Variants in ZIM2 observed in about 807,000 individuals in gnomAD.
ZIM2 encodes zinc finger protein 656.
A neutral mutation model predicts 38.6 loss-of-function variants in ZIM2; 14 were observed. That is an observed-to-expected ratio of 0.36 (90% CI 0.24 to 0.57). The LOEUF is 0.57. Among genes scored for constraint, ZIM2 ranks in the 20% least tolerant of loss-of-function variants. ZIM2 has a pLI of 0.81. For synonymous variants in ZIM2, 247 were observed against 245.8 expected (o/e 1.00, Z -0.04); for missense variants, 680 against 695.1 (o/e 0.98, Z 0.24).
chr19:56,817,178 T>C lies in ZIM2; in HGVS notation c.490+568A>G. 1.9e-6 allele frequency: 3 copies of C among 1,614,214 alleles called. No homozygotes were observed. The South Asian group carries it at 3.3e-5, about 18-fold the overall frequency. On this transcript the variant is annotated intron_variant, in intron 9 of 12. Coordinates refer to ENST00000629319, the MANE Select transcript of ZIM2 (RefSeq NM_001387356.1). The stretch of plus-strand genomic sequence containing the variant: ...CTGCTCACGCTCATGGCTTTTCTCA[T>C]CTCACTACCACATTCAAAGGGCTTC...
At chr19:56,781,890 A>G in intron 11 of ZIM2, 63 bp downstream of exon 11, 1 of 1,567,550 alleles carries the variant, frequency 6.4e-7, no homozygotes, top group Non-Finnish European at 8.7e-7. Context: ...AGAGGACACG[A>G]AGGAGTTGAG....
At chr19:56,784,583 A>G (rs952764734) in intron 10 of ZIM2, among the ~76,000 whole-genome samples, 2 of 152,168 alleles carry the variant, frequency 1.3e-5, no homozygotes, top group African/African-American at 2.4e-5. Context: ...TCCTACTGTT[A>G]ACTGTCCATT....
chr19:56,825,625 T>G (rs2060948636), intron 3 of ZIM2, among the ~76,000 whole-genome samples: 1 of 152,226 alleles, frequency 6.6e-6, no homozygotes, highest in Admixed American at 6.5e-5. Context: ...TTGCTATTAT[T>G]TGCATTTTAT....
intron 2 of ZIM2, among the ~76,000 whole-genome samples, chr19:56,826,927 T>C (rs990629740): frequency 6.6e-6 from 1 of 152,172 alleles, no homozygotes; most frequent in African/African-American, 2.4e-5. Context: ...AATTGAAGCA[T>C]AAAGTACCCT....
intron 9 of ZIM2, chr19:56,811,500 A>C (rs1465421733): frequency 1.0e-6 from 1 of 984,728 alleles, no homozygotes. Context: ...AGGTTTAAAC[A>C]ATCATTCTCT....
rs745602446 is a variant in ZIM2 at position 56,817,081 on chromosome 19, C to A, written c.490+665G>T. 1 of 1,614,196 alleles carries A rather than the reference C, an allele frequency of 6.2e-7. No homozygotes were observed. Among genetic ancestry groups the A allele is most frequent in the Non-Finnish European group, 8.5e-7 (1 of 1,180,018 alleles). On this transcript the variant is annotated intron_variant, in intron 9 of 12. Coordinates refer to ENST00000629319, the MANE Select transcript of ZIM2 (RefSeq NM_001387356.1). ...ACTGAACGACCTCCCACACTCATCA[C>A]ATACATATGGCATTGCCCCAAAATC...
chr19:56,816,685 A>G (rs745909545), intron 9 of ZIM2: 1 of 1,614,080 alleles, frequency 6.2e-7, no homozygotes, highest in Non-Finnish European at 8.5e-7. Flanking sequence ...GTCATCCCCA[A>G]AGTGGATTTT....
chr19:56,782,296 A>AT (rs2046367149), intron 10 of ZIM2, 175 bp from the exon 11 acceptor site: 1 of 831,356 alleles, frequency 1.2e-6, no homozygotes, highest in Non-Finnish European at 1.8e-6. Context: ...AACAGTTCCT[A>AT]TTGCTAATTA....
In ZIM2 at chr19:56,814,683, C is replaced by T; in HGVS notation, c.490+3063G>A. Reference sequence around the variant, plus strand: ...CTTCCTCAGCCATCTGGCTCTGCTCCAGTAAATCATCTTCCCTATGAAGTC... The same window carrying T: ...CTTCCTCAGCCATCTGGCTCTGCTCTAGTAAATCATCTTCCCTATGAAGTC... On this transcript the variant is annotated intron_variant, in intron 9 of 12. Transcript: ENST00000629319. This position sits in a 1 kb window ranked among gnomAD's most constrained non-coding sequence, Gnocchi z 5.8. 6.2e-7 allele frequency: 1 copy of T among 1,614,044 alleles called. No homozygotes were observed. The highest frequency in any genetic ancestry group is 8.5e-7 in the Non-Finnish European group (1 of 1,179,964).
intron 9 of ZIM2, among the ~76,000 whole-genome samples, chr19:56,802,060 A>G (rs1441328010): frequency 6.6e-6 from 1 of 152,166 alleles, no homozygotes; most frequent in Non-Finnish European, 1.5e-5. Context: ...GATCACTGGA[A>G]AAGGGACTGT....
At chr19:56,813,179 A>T in intron 9 of ZIM2, 1 of 978,288 alleles carries the variant, frequency 1.0e-6, no homozygotes, top group Middle Eastern at 5.3e-4. Flanking sequence ...ATATAATCAA[A>T]TTTGTTGCTC....
intron 9 of ZIM2, among the ~76,000 whole-genome samples, chr19:56,808,614 CTT>C (rs1025576267): frequency 7.9e-5 from 12 of 152,100 alleles, no homozygotes; most frequent in African/African-American, 2.9e-4. Context: ...GGAGGAGTGA[CTT>C]AAACTCGAGA....
rs770060531 is a variant in ZIM2, at chr19:56,824,616, T to A, written c.-150-189A>T. 4.0e-4 allele frequency: 649 copies of A among 1,607,538 alleles called. 5 individuals are homozygous for A. In the African/African-American group the frequency reaches 7.0e-3, roughly 17 times the overall value. The stretch of plus-strand genomic sequence containing the variant: ...TCATACAGATTTGGGGCCCAGGACT[T>A]CTTAGGTTTGGTGGCAGACAAGTGC... On this transcript the variant is annotated intron_variant, in intron 3 of 12. Coordinates refer to ENST00000629319, the MANE Select transcript of ZIM2 (RefSeq NM_001387356.1).
chr19:56,818,449 A>C, intron 8 of ZIM2, 151 bp downstream of exon 8: 1 of 818,884 alleles, frequency 1.2e-6, no homozygotes, highest in Non-Finnish European at 1.9e-6. Context: ...TTTATCATTT[A>C]CTCCCTCATT....
chr19:56,818,793 T>C (rs966897683), intron 7 of ZIM2, 91 bp from the exon 8 acceptor site: 3 of 1,425,948 alleles, frequency 2.1e-6, no homozygotes, highest in Admixed American at 1.7e-5. Flanking sequence ...GTTACATATA[T>C]GAAGTTATAT....
chr19:56,779,676 G>C (rs1040686832), intron 11 of ZIM2, among the ~76,000 whole-genome samples: 73 of 152,108 alleles, frequency 4.8e-4, no homozygotes, highest in African/African-American at 1.7e-3. Flanking sequence ...GCAGAGGGAG[G>C]GGTTCCTAGT....
At chr19:56,792,470 G>A (rs1289562403) in intron 9 of ZIM2, among the ~76,000 whole-genome samples, 1 of 141,690 alleles carries the variant, frequency 7.1e-6, no homozygotes, top group East Asian at 2.1e-4. Context: ...GGTGGAGGTT[G>A]CAGTGAGCTG....
chr19:56,787,156 T>G (rs539412787), intron 10 of ZIM2, among the ~76,000 whole-genome samples: 2 of 152,206 alleles, frequency 1.3e-5, no homozygotes, highest in Non-Finnish European at 2.9e-5. Context: ...TTTAATTTCA[T>G]TGGACAAGAC....
chr19:56,838,175 C>A (rs1174670627), intron 1 of ZIM2, among the ~76,000 whole-genome samples: 1 of 152,208 alleles, frequency 6.6e-6, no homozygotes, highest in African/African-American at 2.4e-5. Context: ...CTACAGCCAA[C>A]CCAGCAGTCA....
Sources: gnomAD v4.1 joint callset for allele counts (sites outside exome capture counted in the v4.1 genomes callset) on GRCh38, gnomAD v4.1.1 for gene constraint, Gnocchi (gnomAD v3.1) non-coding constraint, MANE v1.5 for transcripts, NCBI Gene and HGNC (gene_info 2026-07-23, HGNC 2026-07-21) for gene names.